Variants in CNTN1 observed in about 807,000 individuals in gnomAD.
CNTN1 encodes contactin 1.
CNTN1 carries 38 observed loss-of-function variants against 126.4 expected under a neutral mutation model. The ratio of observed to expected loss-of-function variants is 0.30; its 90% CI spans 0.23 to 0.39. The LOEUF (loss-of-function observed/expected upper bound fraction) is 0.39. CNTN1 is among the 10% of genes least tolerant of loss of function. The pLI, the probability that CNTN1 is intolerant of heterozygous loss-of-function variation, is 1.00. For synonymous variants in CNTN1, 413 were observed against 422.6 expected (o/e 0.98, Z 0.28); for missense variants, 1,009 against 1,248.4 (o/e 0.81, Z 2.89).
chr12:40,799,164 A>G (rs1940553675), intron 1 of CNTN1, among the ~76,000 whole-genome samples: 1 of 151,356 alleles, frequency 6.6e-6, no homozygotes, highest in South Asian at 2.1e-4. Flanking sequence ...CATAATCTAT[A>G]GCCTAATATT....
chr12:41,051,926 A>T (rs958210173), intron 23 of CNTN1, among the ~76,000 whole-genome samples: 1 of 151,318 alleles, frequency 6.6e-6, no homozygotes, highest in African/African-American at 2.4e-5. Flanking sequence ...ACACACACAC[A>T]CACACACACA....
At chr12:40,852,792 T>A (rs944408716) in intron 1 of CNTN1, among the ~76,000 whole-genome samples, 1 of 152,148 alleles carries the variant, frequency 6.6e-6, no homozygotes, top group Non-Finnish European at 1.5e-5. Flanking sequence ...CAGTTACTAT[T>A]ATTTCTATTC....
At chr12:40,768,553 T>C (rs1939213592) in intron 1 of CNTN1, among the ~76,000 whole-genome samples, 1 of 152,204 alleles carries the variant, frequency 6.6e-6, no homozygotes, top group African/African-American at 2.4e-5. Context: ...ACTACACTTT[T>C]TGGGTTATAA....
At chr12:41,016,344 G>A (rs908817205) in intron 18 of CNTN1, among the ~76,000 whole-genome samples, 2 of 152,096 alleles carry the variant, frequency 1.3e-5, no homozygotes, top group African/African-American at 2.4e-5. Context: ...ACCTGTGGTC[G>A]GAGAAAACGT....
chr12:40,874,877 T>C (rs576743759), intron 1 of CNTN1, among the ~76,000 whole-genome samples: 1 of 152,296 alleles, frequency 6.6e-6, no homozygotes, highest in Non-Finnish European at 1.5e-5. Flanking sequence ...TTTAATCTCA[T>C]AAAATCTCAT....
At position 40,945,199 on chromosome 12, in the gene CNTN1, A is replaced by G. The variant is rs111954108; in HGVS notation, c.1683+1029A>G. 5.0e-3 allele frequency among the ~76,000 whole-genome samples: 758 copies of G among 152,208 alleles called. 8 individuals are homozygous for G. The highest frequency in any genetic ancestry group is 0.017 in the African/African-American group (690 of 41,564). Reference sequence around the variant, plus strand: ...TAAAGAATAACAATTGAGAATTGGCAGAGAACTGTAAATTTTGTATTTTGA... The same window carrying G: ...TAAAGAATAACAATTGAGAATTGGCGGAGAACTGTAAATTTTGTATTTTGA... On this transcript the variant is annotated intron_variant, in intron 14 of 23. Coordinates refer to ENST00000551295, the MANE Select transcript of CNTN1 (RefSeq NM_001843.4).
At chr12:40,832,709 G>T (rs1941892222) in intron 1 of CNTN1, among the ~76,000 whole-genome samples, 1 of 152,122 alleles carries the variant, frequency 6.6e-6, no homozygotes, top group Non-Finnish European at 1.5e-5. Context: ...CCCTTCCTAG[G>T]TGTTAGCTGA....
At chr12:40,959,077 A>G in intron 14 of CNTN1, 37 bp from the exon 15 acceptor site, 1 of 1,610,944 alleles carries the variant, frequency 6.2e-7, no homozygotes, top group Non-Finnish European at 8.5e-7. Flanking sequence ...TTGGTGAAAA[A>G]TGTACTGATT....
intron 15 of CNTN1, 30 bp downstream of exon 15, chr12:40,959,264 A>C (rs1273900200): frequency 3.4e-5 from 54 of 1,610,164 alleles, no homozygotes; most frequent in Non-Finnish European, 4.4e-5. Flanking sequence ...AAAATTACAA[A>C]ACCAAAAGTA....
chr12:41,028,382 C>T (rs181539606), intron 22 of CNTN1, among the ~76,000 whole-genome samples: 16 of 152,172 alleles, frequency 1.1e-4, no homozygotes, highest in South Asian at 2.1e-4. Context: ...AATCAGATAA[C>T]GTAGTGCCAT....
chr12:40,792,245 C>A (rs1940246328), intron 1 of CNTN1, among the ~76,000 whole-genome samples: 1 of 151,936 alleles, frequency 6.6e-6, no homozygotes, highest in Non-Finnish European at 1.5e-5. Flanking sequence ...AGCTCCTCCA[C>A]CCACTTTTTA....
At chr12:40,715,816 T>C (rs1942033697) in intron 1 of CNTN1, among the ~76,000 whole-genome samples, 1 of 152,152 alleles carries the variant, frequency 6.6e-6, no homozygotes. Context: ...AAAGTCAGGA[T>C]GGTAGAGTGA....
chr12:40,754,925 G>T (rs1287930072), intron 1 of CNTN1, among the ~76,000 whole-genome samples: 1 of 151,872 alleles, frequency 6.6e-6, no homozygotes, highest in Non-Finnish European at 1.5e-5. Flanking sequence ...TTTCTTGGTT[G>T]AGGCTGGGTG....
intron 23 of CNTN1, among the ~76,000 whole-genome samples, chr12:41,068,343 AATG>A (rs1215852417): frequency 3.3e-5 from 5 of 152,268 alleles, no homozygotes; most frequent in Middle Eastern, 3.4e-3. Flanking sequence ...CTCTCAAAGT[AATG>A]ATAAGTTTAC....
intron 1 of CNTN1, among the ~76,000 whole-genome samples, chr12:40,892,070 C>T (rs1944256414): frequency 6.6e-6 from 1 of 152,096 alleles, no homozygotes; most frequent in Non-Finnish European, 1.5e-5. Flanking sequence ...ATAATTTGAA[C>T]TTTTCCATAC....
chr12:40,997,682 T>A (rs1257523645), intron 17 of CNTN1, among the ~76,000 whole-genome samples: 3 of 152,160 alleles, frequency 2.0e-5, no homozygotes, highest in African/African-American at 7.2e-5. Context: ...GCAAGTTAAT[T>A]AGTGTATTCG....
intron 1 of CNTN1, among the ~76,000 whole-genome samples, chr12:40,813,007 C>T (rs1009942140): frequency 3.3e-5 from 3 of 92,280 alleles, no homozygotes; most frequent in South Asian, 6.8e-4. Context: ...CTTTTTCCTT[C>T]CTTCCATCCT....
At chr12:41,066,409 A>G (rs1343158680) in intron 23 of CNTN1, among the ~76,000 whole-genome samples, 1 of 152,178 alleles carries the variant, frequency 6.6e-6, no homozygotes, top group Non-Finnish European at 1.5e-5. Context: ...CTCTGTAATA[A>G]GAAAAAATTC....
chr12:40,773,215 C>T (rs982040043), intron 1 of CNTN1, among the ~76,000 whole-genome samples: 1 of 151,668 alleles, frequency 6.6e-6, no homozygotes, highest in Admixed American at 6.6e-5. Context: ...AACTGAATTC[C>T]ATATTTGTTT....
Sources: gnomAD v4.1 joint callset for allele counts (sites outside exome capture counted in the v4.1 genomes callset) on GRCh38, gnomAD v4.1.1 for gene constraint, MANE v1.5 for transcripts, NCBI Gene and HGNC (gene_info 2026-07-23, HGNC 2026-07-21) for gene names.